The following MTERF4 variants were observed in gnomAD, a reference collection of about 807,000 sequenced individuals.
MTERF4 encodes the protein mitochondrial transcription termination factor 4, also known as transcription termination factor 4, mitochondrial.
A neutral mutation model predicts 22.5 loss-of-function variants in MTERF4; 17 were observed. The ratio of observed to expected loss-of-function variants is 0.75; its 90% CI spans 0.52 to 1.13. The LOEUF (loss-of-function observed/expected upper bound fraction) is 1.13, where lower values mean the gene tolerates loss of function less well. MTERF4 is among the 50% of genes most tolerant of loss of function. The pLI, the probability that MTERF4 is intolerant of heterozygous loss-of-function variation, is 0.00. For synonymous variants in MTERF4, 165 were observed against 175.3 expected, an observed-to-expected ratio of 0.94 and a Z score of 0.47; for missense variants, 420 against 466.8, an observed-to-expected ratio of 0.90 and a Z score of 0.92.
chr2:241,064,980 G>A, the MTERF4 span: 1 of 1,533,388 alleles, frequency 6.5e-7, no homozygotes, highest in Non-Finnish European at 8.8e-7. The surrounding 1 kb of genome is among the most constrained non-coding windows in gnomAD (Gnocchi z 7.0). Context: ...GGCGCCTCCA[G>A]TGAGGGAGCC....
rs767580794 is a variant in MTERF4 at position 241,099,829 on chromosome 2, A to C, written c.87T>G (p.Leu29=). The C allele has an allele frequency of 1.3e-5, 21 of 1,613,952 alleles. No homozygotes were observed. The highest frequency in any genetic ancestry group is 1.6e-5 in the Non-Finnish European group (19 of 1,180,042). ...WACMARQTPH[L]GEQRRTTASL... ...AAGCTGTCGTCCTTCTCTGTTCTCC[A>C]AGATGAGGAGTCTGCCTAGCCATAC... The change falls in exon 2 of 4, where the codon CTT becomes CTG. Residue 29 remains leucine, a synonymous_variant. Coordinates refer to ENST00000391980, the MANE Select transcript of MTERF4 (RefSeq NM_182501.4).
At chr2:241,055,033 C>T in the MTERF4 span, among the ~76,000 whole-genome samples, 3 of 152,056 alleles carry the variant, frequency 2.0e-5, no homozygotes, top group East Asian at 1.9e-4. Flanking sequence ...AGGAGAATCG[C>T]TTGAGCCTGG....
downstream of MTERF4, among the ~76,000 whole-genome samples, chr2:241,086,182 A>G (rs947784825): frequency 2.0e-5 from 3 of 152,078 alleles, no homozygotes; most frequent in Non-Finnish European, 4.4e-5. Context: ...TGGGGTTTCT[A>G]TGGATGGCCT....
chr2:241,051,268 G>A, the MTERF4 span: 4 of 154,582 alleles, frequency 2.6e-5, no homozygotes, highest in Non-Finnish European at 4.3e-5. The surrounding 1 kb of genome is among the most constrained non-coding windows in gnomAD (Gnocchi z 4.7). Context: ...TGAGCTCCTC[G>A]GGTTCCAGGA....
downstream of MTERF4, chr2:241,094,520 G>A (rs2064262157): frequency 5.1e-6 from 2 of 389,852 alleles, no homozygotes; most frequent in East Asian, 1.5e-4. This position sits in a 1 kb window ranked among gnomAD's most constrained non-coding sequence, Gnocchi z 4.3. Flanking sequence ...CCAGTGCATA[G>A]GGGAAAGGAA....
intron 4 of MTERF4, among the ~76,000 whole-genome samples, chr2:241,081,049 G>A (rs1032151653): frequency 2.0e-5 from 3 of 152,248 alleles, no homozygotes; most frequent in African/African-American, 7.2e-5. Context: ...CAGGCTGCCA[G>A]CACTGGACCA....
chr2:241,097,086 T>TA, intron 3 of MTERF4, 157 bp downstream of exon 3: 1 of 784,204 alleles, frequency 1.3e-6, no homozygotes, highest in Non-Finnish European at 2.1e-6. Flanking sequence ...AGGCTTCTTA[T>TA]CCATATAACT....
At chr2:241,061,784 C>T in the MTERF4 span, among the ~76,000 whole-genome samples, 12 of 149,920 alleles carry the variant, frequency 8.0e-5, no homozygotes, top group African/African-American at 3.0e-4. Flanking sequence ...ACTCGGGAGG[C>T]GGAGGTTGTG....
chr2:241,075,825 T>A lies in MTERF4; in HGVS notation n.480-143A>T, dbSNP rs2062992313. 6.6e-6 allele frequency: 1 copy of A among 152,094 alleles called. No homozygotes were observed. Among genetic ancestry groups the A allele is most frequent in the Non-Finnish European group, 1.5e-5 (1 of 68,030 alleles). 9.4% of individuals were successfully genotyped at this position (152,094 alleles called of 1,614,324 possible). ...TTTTCACAAAGATGTAAAGTTTTGC[T>A]TTTGACCTGTAGGTCATTAATCTGT... On this transcript the variant is annotated intron_variant and non_coding_transcript_variant, in intron 4 of 4. Coordinates refer to the MTERF4 transcript ENST00000464344. The surrounding 1 kb of genome is among the most constrained non-coding windows in gnomAD (Gnocchi z 4.8).
chr2:241,090,182 A>G (rs769746706), downstream of MTERF4: 1 of 1,464,984 alleles, frequency 6.8e-7, no homozygotes, highest in Non-Finnish European at 9.0e-7. Context: ...TTCTGTCCTT[A>G]GTGCTTTTCT....
chr2:241,048,743 T>A, the MTERF4 span: 2 of 1,611,776 alleles, frequency 1.2e-6, no homozygotes, highest in African/African-American at 1.3e-5. Flanking sequence ...CCCCTGGGAT[T>A]CTTTGGGCTT....
chr2:241,053,462 GTC>G, the MTERF4 span: 6 of 864,858 alleles, frequency 6.9e-6, no homozygotes, highest in Non-Finnish European at 1.0e-5. Flanking sequence ...GCTCCCCTCA[GTC>G]TCCTGTCTGT....
At chr2:241,072,398 T>A in exon 5 of MTERF4, 2 of 363,030 alleles carry the variant, frequency 5.5e-6, no homozygotes, top group South Asian at 4.1e-5. Flanking sequence ...AATCTGCCTG[T>A]GATTCTGACA....
downstream of MTERF4, among the ~76,000 whole-genome samples, chr2:241,085,860 C>CTTTTTTTTTT (rs772995766): frequency 2.5e-5 from 2 of 79,160 alleles, no homozygotes; most frequent in Non-Finnish European, 4.8e-5. Flanking sequence ...TCTGCGGTTT[C>CTTTTTTTTTT]TTTTTTTTTT....
At chr2:241,082,608 T>C (rs1053779128), downstream of MTERF4, among the ~76,000 whole-genome samples, 4 of 152,054 alleles carry the variant, frequency 2.6e-5, no homozygotes, top group African/African-American at 9.7e-5. Context: ...AGGCTCCTGG[T>C]CCCCAGGCCC....
the MTERF4 span, among the ~76,000 whole-genome samples, chr2:241,059,616 A>T: frequency 6.6e-6 from 1 of 151,590 alleles, no homozygotes; most frequent in Non-Finnish European, 1.5e-5. Context: ...TCAAGGACAC[A>T]GGTTGGTCTA....
In MTERF4 at chr2:241,078,618, G is replaced by A. The variant is rs370927618; in HGVS notation, n.480-2936C>T. Among the ~76,000 whole-genome samples the A allele has an allele frequency of 3.2e-4, 48 of 151,810 alleles. 1 individual carries two copies. In the East Asian group the frequency reaches 5.4e-3, roughly 17 times the overall value. ...CTCTAGTGACAGAAAGTACATTAGC[G>A]GTTGCTCAGGACTGGAGGGTGGAGG... On this transcript the variant is annotated intron_variant and non_coding_transcript_variant, in intron 4 of 4. Transcript: ENST00000464344.
chr2:241,048,995 G>A, the MTERF4 span: 5 of 1,572,872 alleles, frequency 3.2e-6, no homozygotes, highest in African/African-American at 4.1e-5. Flanking sequence ...GTGGAATATG[G>A]GATGGGGCTT....
At chr2:241,068,739 G>A (rs1575046218), downstream of MTERF4, among the ~76,000 whole-genome samples, 6 of 152,198 alleles carry the variant, frequency 3.9e-5, no homozygotes, top group South Asian at 1.0e-3. This position sits in a 1 kb window ranked among gnomAD's most constrained non-coding sequence, Gnocchi z 5.3. Context: ...CGCCCTAGGA[G>A]CACACGGCTC....
Sources: allele counts gnomAD v4.1 joint callset (sites outside exome capture counted in the v4.1 genomes callset), GRCh38; gene constraint gnomAD v4.1.1; non-coding constraint Gnocchi (gnomAD v3.1); transcripts MANE v1.5; gene names NCBI Gene and HGNC (gene_info 2026-07-23, HGNC 2026-07-21).